PRKN: variants seen among roughly 807,000 people sequenced by gnomAD.
PRKN encodes parkin RBR E3 ubiquitin protein ligase.
PRKN carries 56 observed loss-of-function variants against 59.5 expected under a neutral mutation model. The observed-to-expected ratio is 0.94, with a 90% CI of 0.76 to 1.18. The LOEUF (loss-of-function observed/expected upper bound fraction) is 1.18. Among genes scored for constraint, PRKN ranks in the 50% most tolerant of loss-of-function variants. The pLI is 0.00. For missense variants in PRKN, 657 were observed against 596.4 expected (o/e 1.10, Z -1.06); for synonymous variants, 250 against 222.1 (o/e 1.13, Z -1.12).
At chr6:162,507,420 A>C (rs1303134953) in intron 1 of PRKN, among the ~76,000 whole-genome samples, 1 of 152,044 alleles carries the variant, frequency 6.6e-6, no homozygotes, top group East Asian at 1.9e-4. Context: ...TCAAAAAAAG[A>C]AAAGAAAAAA....
rs547504045 is a variant in PRKN, at chr6:161,417,966, G to A, written c.1084-31089C>T. Among the ~76,000 whole-genome samples the A allele has an allele frequency of 1.3e-5, 2 of 152,276 alleles. No individual in the cohort carries two copies. The highest frequency in any genetic ancestry group is 2.1e-4 in the South Asian group (1 of 4,826). On this transcript the variant is annotated intron_variant, in intron 9 of 11. Coordinates refer to ENST00000366898, the MANE Select transcript of PRKN (RefSeq NM_004562.3). This position sits in a 1 kb window ranked among gnomAD's most constrained non-coding sequence, Gnocchi z 5.4. ...TGGGAGCTGCAGGCTGGCTTCCCACGCTCCCTCCTGGGCCTGGCCCCCAGG... is the reference window on the plus strand; with the variant it reads ...TGGGAGCTGCAGGCTGGCTTCCCACACTCCCTCCTGGGCCTGGCCCCCAGG...
At chr6:162,354,388 A>T (rs1218610820) in intron 2 of PRKN, among the ~76,000 whole-genome samples, 1 of 152,120 alleles carries the variant, frequency 6.6e-6, no homozygotes, top group African/African-American at 2.4e-5. Context: ...GATTACCAAT[A>T]TTAAAATCAT....
intron 1 of PRKN, among the ~76,000 whole-genome samples, chr6:162,458,886 G>A (rs566523480): frequency 9.2e-5 from 14 of 152,124 alleles, no homozygotes; most frequent in East Asian, 3.9e-4. Context: ...GCATGACATC[G>A]GCTCACTGCA....
chr6:161,895,535 TC>T (rs1777585431), intron 6 of PRKN, among the ~76,000 whole-genome samples: 3 of 103,478 alleles, frequency 2.9e-5, no homozygotes, highest in East Asian at 3.6e-4. Context: ...CAGTGAGGCT[TC>T]TGAGATTCAG....
At chr6:162,430,453 T>C (rs1789463367) in intron 2 of PRKN, among the ~76,000 whole-genome samples, 1 of 152,164 alleles carries the variant, frequency 6.6e-6, no homozygotes, top group Non-Finnish European at 1.5e-5. Flanking sequence ...ATTTGTACAC[T>C]GTGACCTGAA....
intron 9 of PRKN, among the ~76,000 whole-genome samples, chr6:161,490,686 C>T (rs951423033): frequency 4.6e-5 from 7 of 152,092 alleles, no homozygotes; most frequent in East Asian, 1.9e-4. Flanking sequence ...CCACTGTGCA[C>T]GGCCAGATCT....
chr6:162,477,662 C>T (rs1166984974), intron 1 of PRKN, among the ~76,000 whole-genome samples: 1 of 152,116 alleles, frequency 6.6e-6, no homozygotes, highest in Non-Finnish European at 1.5e-5. Context: ...CTTTCAGTAT[C>T]CACTCTTTTC....
intron 2 of PRKN, among the ~76,000 whole-genome samples, chr6:162,439,679 CCCTCTT>C (rs1192857891): frequency 1.2e-4 from 16 of 135,420 alleles, no homozygotes; most frequent in Admixed American, 1.1e-3. Flanking sequence ...GACTAACTCC[CCCTCTT>C]CCTCTTCCTC....
chr6:162,246,715 T>C (rs1779213277), intron 3 of PRKN, among the ~76,000 whole-genome samples: 1 of 152,180 alleles, frequency 6.6e-6, no homozygotes, highest in South Asian at 2.1e-4. Flanking sequence ...GGGGTTTGGT[T>C]TCCCAGGAAA....
chr6:161,490,386 C>CTTTT (rs34217261), intron 9 of PRKN, among the ~76,000 whole-genome samples: 9,216 of 112,220 alleles, frequency 0.082, 853 homozygotes, highest in South Asian at 0.12. Context: ...TCTTTCTTTC[C>CTTTT]TTTTTTTTTT....
At chr6:162,624,250 C>CAA (rs752288555) in intron 1 of PRKN, 36,208 of 127,152 alleles carry the variant, frequency 0.28, 5,175 homozygotes, top group Non-Finnish European at 0.38. Context: ...TCTGTCTCCA[C>CAA]AAAAAAAAAA....
At chr6:162,208,407 A>G (rs1785049342) in intron 3 of PRKN, among the ~76,000 whole-genome samples, 1 of 152,238 alleles carries the variant, frequency 6.6e-6, no homozygotes, top group Non-Finnish European at 1.5e-5. Flanking sequence ...TTATAACTTA[A>G]TTCTCAAATT....
In PRKN at chr6:161,815,195, G is replaced by A. The variant is rs576372761; in HGVS notation, c.735-29287C>T. ...GCAGCCGTTACTTCATATGATTCTAGGACACTCGCACTTACTTCTTGGACT... is the reference window on the plus strand; with the variant it reads ...GCAGCCGTTACTTCATATGATTCTAAGACACTCGCACTTACTTCTTGGACT... On this transcript the variant is annotated intron_variant, in intron 6 of 11. Coordinates refer to ENST00000366898, the MANE Select transcript of PRKN (RefSeq NM_004562.3). 5.3e-5 allele frequency among the ~76,000 whole-genome samples: 8 copies of A among 152,180 alleles called. No homozygotes were observed. The South Asian group carries it at 1.7e-3, about 32-fold the overall frequency.
chr6:162,520,095 T>C (rs1778025966), intron 1 of PRKN, among the ~76,000 whole-genome samples: 2 of 151,972 alleles, frequency 1.3e-5, no homozygotes, highest in Admixed American at 6.6e-5. Context: ...TACAAAAATA[T>C]ATATATATTT....
chr6:162,387,159 A>T (rs1786871897), intron 2 of PRKN, among the ~76,000 whole-genome samples: 2 of 151,932 alleles, frequency 1.3e-5, no homozygotes, highest in Admixed American at 1.3e-4. Flanking sequence ...GAATAAAATG[A>T]ATGAAACATT....
At chr6:162,396,826 C>CT (rs1293277062) in intron 2 of PRKN, among the ~76,000 whole-genome samples, 1 of 152,096 alleles carries the variant, frequency 6.6e-6, no homozygotes, top group South Asian at 2.1e-4. Flanking sequence ...AATTCTTCTC[C>CT]TTTTTTGGTA....
intron 1 of PRKN, among the ~76,000 whole-genome samples, chr6:162,675,752 T>C (rs1365192936): frequency 1.6e-4 from 25 of 152,156 alleles, no homozygotes; most frequent in Admixed American, 1.6e-3. Flanking sequence ...TAAAAAACTG[T>C]AATATACTTT....
intron 1 of PRKN, among the ~76,000 whole-genome samples, chr6:162,590,063 G>A (rs73595932): frequency 0.021 from 3,148 of 150,050 alleles, 109 homozygotes; most frequent in African/African-American, 0.071. Flanking sequence ...TAATTTTCAC[G>A]TAAGATGTGT....
Position 161,550,693 on chromosome 6 carries a change from G to A in PRKN, c.934-1690C>T, listed in dbSNP as rs1779972476. Among the ~76,000 whole-genome samples the A allele has an allele frequency of 6.6e-6, 1 of 151,786 alleles. No individual in the cohort carries two copies. Among genetic ancestry groups the A allele is most frequent in the African/African-American group, 2.4e-5 (1 of 41,304 alleles). On this transcript the variant is annotated intron_variant, in intron 8 of 11. Coordinates refer to ENST00000366898, the MANE Select transcript of PRKN (RefSeq NM_004562.3). The surrounding 1 kb of genome is among the most constrained non-coding windows in gnomAD (Gnocchi z 4.0). ...CCTGAGAAGACAGGAGGCGGGTAGG[G>A]GTGGGGACAACTGTGGTAGAAGAAA...
Sources: gnomAD v4.1 joint callset for allele counts (sites outside exome capture counted in the v4.1 genomes callset) on GRCh38, gnomAD v4.1.1 for gene constraint, Gnocchi (gnomAD v3.1) non-coding constraint, MANE v1.5 for transcripts, NCBI Gene and HGNC (gene_info 2026-07-23, HGNC 2026-07-21) for gene names.